The following ERC2 variants were observed in gnomAD, a reference collection of about 807,000 sequenced individuals.
ERC2 encodes the protein ERC protein 2.
A neutral mutation model predicts 114.8 loss-of-function variants in ERC2; 42 were observed. The ratio of observed to expected loss-of-function variants is 0.37; its 90% CI spans 0.29 to 0.47. ERC2 has a LOEUF of 0.47. Ranked by LOEUF, ERC2 falls within the 20% of genes least tolerant of loss-of-function variation. The probability of loss-of-function intolerance (pLI) is 0.99; values close to 1 mark genes in which losing one functional copy is unlikely to be tolerated. For synonymous variants in ERC2, 454 were observed against 425.5 expected (o/e 1.07, Z -0.82); for missense variants, 939 against 1,150.7 (o/e 0.82, Z 2.66).
intron 2 of ERC2, among the ~76,000 whole-genome samples, chr3:56,299,134 TG>T (rs1560547362): frequency 0.049 from 4,497 of 91,836 alleles, 359 homozygotes; most frequent in African/African-American, 0.13. Context: ...TTTTTTTGTT[TG>T]TTTGTTTTTT....
At chr3:56,327,341 G>A (rs112602880) in intron 2 of ERC2, among the ~76,000 whole-genome samples, 174 of 152,238 alleles carry the variant, frequency 1.1e-3, no homozygotes, top group African/African-American at 3.6e-3. Context: ...ATCATATCTC[G>A]TGAGAACTCA....
chr3:56,378,171 C>T (rs1442081874), intron 2 of ERC2, among the ~76,000 whole-genome samples: 1 of 150,256 alleles, frequency 6.7e-6, no homozygotes, highest in African/African-American at 2.5e-5. Flanking sequence ...GGAACCAACC[C>T]AAATGTCCAA....
At chr3:56,020,889 C>T (rs535110903) in intron 7 of ERC2, among the ~76,000 whole-genome samples, 2 of 152,212 alleles carry the variant, frequency 1.3e-5, no homozygotes, top group East Asian at 3.9e-4. Flanking sequence ...GGGGCCTCCT[C>T]ATATAACTGG....
At chr3:56,418,769 C>G (rs1203434584) in intron 2 of ERC2, among the ~76,000 whole-genome samples, 1 of 152,194 alleles carries the variant, frequency 6.6e-6, no homozygotes, top group East Asian at 1.9e-4. Context: ...ACTTTACATG[C>G]TGGCCTGAGA....
chr3:55,997,716 G>A (rs1356259435), intron 10 of ERC2, among the ~76,000 whole-genome samples: 2 of 149,562 alleles, frequency 1.3e-5, no homozygotes, highest in South Asian at 4.2e-4. Flanking sequence ...GCTGCAGAAA[G>A]GTTACAAAAA....
chr3:56,199,038 T>G (rs1460507386), intron 3 of ERC2, among the ~76,000 whole-genome samples: 3 of 152,178 alleles, frequency 2.0e-5, no homozygotes, highest in Non-Finnish European at 2.9e-5. Flanking sequence ...ATCTATTATA[T>G]GACAGGCACT....
chr3:55,714,128 T>G (rs2063941673), intron 15 of ERC2, among the ~76,000 whole-genome samples: 2 of 152,174 alleles, frequency 1.3e-5, no homozygotes, highest in African/African-American at 4.8e-5. Context: ...TTTTAGGCAT[T>G]TAGTGGTAAA....
In ERC2 at chr3:55,509,273, G is replaced by A. The variant is rs1401961302; in HGVS notation, c.*2043C>T. 3 of 152,438 alleles carry A rather than the reference G, an allele frequency of 2.0e-5. No homozygotes were observed. The highest frequency in any genetic ancestry group is 7.3e-5 in the African/African-American group (3 of 41,378). The allele number at this position is 152,438 out of a possible 1,614,324, so 9.4% of individuals were successfully genotyped here. On this transcript the variant is annotated 3_prime_UTR_variant, in exon 18 of 18. Coordinates refer to ENST00000288221, the MANE Select transcript of ERC2 (RefSeq NM_015576.3). The stretch of plus-strand genomic sequence containing the variant: ...TTCAAGGACCCTATTTTCCCTACTG[G>A]ATTTCCTACTTCCTACTTCAAGTAT...
At chr3:56,447,572 T>A (rs2107496496) in intron 1 of ERC2, among the ~76,000 whole-genome samples, 1 of 152,304 alleles carries the variant, frequency 6.6e-6, no homozygotes, top group South Asian at 2.1e-4. Context: ...TTATTTGCAA[T>A]ATATTGTAAT....
chr3:55,540,806 C>T (rs766542412), intron 17 of ERC2, among the ~76,000 whole-genome samples: 4 of 152,090 alleles, frequency 2.6e-5, no homozygotes, highest in Non-Finnish European at 5.9e-5. Flanking sequence ...CAGTTCGGAC[C>T]GGCACCCCAC....
At chr3:56,206,307 A>G (rs1391918027) in intron 3 of ERC2, among the ~76,000 whole-genome samples, 2 of 152,076 alleles carry the variant, frequency 1.3e-5, no homozygotes, top group African/African-American at 4.8e-5. Context: ...TGGGTCTTAG[A>G]ATTTATTCCA....
intron 1 of ERC2, among the ~76,000 whole-genome samples, chr3:56,457,045 T>A (rs2063096276): frequency 6.6e-6 from 1 of 152,242 alleles, no homozygotes; most frequent in South Asian, 2.1e-4. Context: ...CAAGGAATAA[T>A]GAAACTATTT....
intron 2 of ERC2, among the ~76,000 whole-genome samples, chr3:56,361,749 T>G (rs1424706364): frequency 6.6e-6 from 1 of 152,190 alleles, no homozygotes; most frequent in East Asian, 1.9e-4. Context: ...TAGAGATGGT[T>G]CATATTACTG....
intron 2 of ERC2, among the ~76,000 whole-genome samples, chr3:56,317,961 C>G (rs955454234): frequency 6.6e-6 from 1 of 151,768 alleles, no homozygotes; most frequent in Non-Finnish European, 1.5e-5. Context: ...ATTTTACTTC[C>G]CCACATTTGT....
At chr3:56,319,623 T>G (rs2057033486) in intron 2 of ERC2, among the ~76,000 whole-genome samples, 1 of 152,080 alleles carries the variant, frequency 6.6e-6, no homozygotes, top group South Asian at 2.1e-4. Context: ...GTAGATTTCA[T>G]GTTAAATGTT....
At chr3:56,216,731 A>C (rs956850587) in intron 3 of ERC2, among the ~76,000 whole-genome samples, 4 of 152,230 alleles carry the variant, frequency 2.6e-5, no homozygotes, top group African/African-American at 9.6e-5. Context: ...ACATCGATGC[A>C]AAAATCCTCA....
chr3:55,586,435 G>T (rs184178541), intron 17 of ERC2, among the ~76,000 whole-genome samples: 1 of 152,118 alleles, frequency 6.6e-6, no homozygotes, highest in African/African-American at 2.4e-5. Flanking sequence ...GCATCTTACC[G>T]GATATTTCCC....
At chr3:55,705,391 T>C (rs1024255289) in intron 15 of ERC2, among the ~76,000 whole-genome samples, 2 of 152,170 alleles carry the variant, frequency 1.3e-5, no homozygotes, top group African/African-American at 4.8e-5. Flanking sequence ...ATGTGAGATA[T>C]GCAAGTGTGT....
At chr3:55,790,833 C>T (rs2069947948) in intron 14 of ERC2, among the ~76,000 whole-genome samples, 1 of 152,222 alleles carries the variant, frequency 6.6e-6, no homozygotes, top group Non-Finnish European at 1.5e-5. Context: ...GAATGGTAAA[C>T]ATTCAAGGAA....
Sources: allele counts gnomAD v4.1 joint callset (sites outside exome capture counted in the v4.1 genomes callset), GRCh38; gene constraint gnomAD v4.1.1; transcripts MANE v1.5; gene names NCBI Gene and HGNC (gene_info 2026-07-23, HGNC 2026-07-21).